Variants in ZC2HC1B observed in about 807,000 individuals in gnomAD.
The protein encoded by ZC2HC1B is zinc finger C2HC-type containing 1B.
In ZC2HC1B, 36 loss-of-function variants were observed where a neutral mutation model predicts 31.0. That is an observed-to-expected ratio of 1.16 (90% CI 0.89 to 1.54). ZC2HC1B has a LOEUF of 1.54. ZC2HC1B is among the 40% of genes most tolerant of loss of function. The pLI is 0.00. For synonymous variants in ZC2HC1B, 73 were observed against 88.0 expected (o/e 0.83, Z 0.95); for missense variants, 260 against 268.6 (o/e 0.97, Z 0.22).
rs1777348401 is a variant in ZC2HC1B at position 143,872,085 on chromosome 6, A to G, written c.28+7518A>G. On this transcript the variant is annotated intron_variant, in intron 1 of 7. Transcript: ENST00000237275. The surrounding 1 kb of genome is among the most constrained non-coding windows in gnomAD (Gnocchi z 5.5). Reference sequence around the variant, plus strand: ...TTTCCTTTTTCCCCAATGCATAGTTACCCTGGTACAAGGCCAGAGGTCTTC... The same window carrying G: ...TTTCCTTTTTCCCCAATGCATAGTTGCCCTGGTACAAGGCCAGAGGTCTTC... Among the ~76,000 whole-genome samples the G allele has an allele frequency of 6.6e-6, 1 of 152,102 alleles. No individual in the cohort carries two copies.
rs1328443024 is a variant in ZC2HC1B at position 143,887,067 on chromosome 6, A to G, written c.349+246A>G. ...ATTACATGACTCCAAGAAACACCAG[A>G]CACCTCTTAGCCGATAGGTATGGAG... On this transcript the variant is annotated intron_variant, in intron 4 of 7. Coordinates refer to ENST00000237275, the MANE Select transcript of ZC2HC1B (RefSeq NM_001013623.3). The surrounding 1 kb of genome is among the most constrained non-coding windows in gnomAD (Gnocchi z 5.1). 6.6e-5 allele frequency among the ~76,000 whole-genome samples: 10 copies of G among 152,196 alleles called. No homozygotes were observed. The highest frequency in any genetic ancestry group is 2.9e-5 in the Non-Finnish European group (2 of 68,042).
intron 1 of ZC2HC1B, among the ~76,000 whole-genome samples, chr6:143,878,690 G>A (rs1777435205): frequency 6.6e-6 from 1 of 151,838 alleles, no homozygotes; most frequent in South Asian, 2.1e-4. Context: ...ATAAAACAAG[G>A]TTTTGTATTG....
chr6:143,926,953 G>GGCGCCCACCACC (rs1554241411), intron 6 of ZC2HC1B, among the ~76,000 whole-genome samples: 2 of 107,190 alleles, frequency 1.9e-5, no homozygotes, highest in Non-Finnish European at 3.8e-5. Context: ...TGGGACTACA[G>GGCGCCCACCACC]GCGCCCGGCT....
At chr6:143,932,913 A>G (rs566500241) in intron 6 of ZC2HC1B, among the ~76,000 whole-genome samples, 79 of 152,164 alleles carry the variant, frequency 5.2e-4, no homozygotes, top group African/African-American at 1.7e-3. Flanking sequence ...TGTTCTTGCT[A>G]TTCTAGGTCT....
chr6:143,884,473 A>C lies in ZC2HC1B; in HGVS notation c.90+108A>C, dbSNP rs1043562589. The C allele has an allele frequency of 3.8e-6, 4 of 1,061,012 alleles. No homozygotes were observed. Among genetic ancestry groups the C allele is most frequent in the Non-Finnish European group, 5.3e-6 (4 of 748,976 alleles). The allele number at this position is 1,061,012 out of a possible 1,614,324, so 65.7% of individuals were successfully genotyped here. On this transcript the variant is annotated intron_variant, in intron 2 of 7. Transcript: ENST00000237275. The surrounding 1 kb of genome is among the most constrained non-coding windows in gnomAD (Gnocchi z 5.1). ...TTAAAGACAGATGTGGAGGGGAAGC[A>C]AGGGAAGAGGAAAAGTACATAACCT...
At chr6:143,928,252 C>T (rs537888615) in intron 6 of ZC2HC1B, among the ~76,000 whole-genome samples, 1 of 152,222 alleles carries the variant, frequency 6.6e-6, no homozygotes, top group East Asian at 1.9e-4. Flanking sequence ...TTAGTTTTCG[C>T]ATCATACATT....
intron 1 of ZC2HC1B, among the ~76,000 whole-genome samples, chr6:143,878,352 C>T (rs1562337608): frequency 1.3e-5 from 2 of 150,482 alleles, no homozygotes; most frequent in Non-Finnish European, 3.0e-5. Flanking sequence ...GTGGTGTGGG[C>T]CTGTGCTCCC....
Position 143,918,642 on chromosome 6 carries a change from G to A in ZC2HC1B, c.598+15490G>A, listed in dbSNP as rs528101290. Among the ~76,000 whole-genome samples the A allele has an allele frequency of 6.6e-6, 1 of 152,174 alleles. No homozygotes were observed. The highest frequency in any genetic ancestry group is 1.5e-5 in the Non-Finnish European group (1 of 68,010). ...AAGTTTTCAGCCATTATTTCTCTCT[G>A]CTCTTTTCTCTCTCTGCTCCTTCAG... On this transcript the variant is annotated intron_variant, in intron 6 of 7. Coordinates refer to ENST00000237275, the MANE Select transcript of ZC2HC1B (RefSeq NM_001013623.3). This position sits in a 1 kb window ranked among gnomAD's most constrained non-coding sequence, Gnocchi z 4.1.
At chr6:143,927,847 T>C (rs1048020186) in intron 6 of ZC2HC1B, among the ~76,000 whole-genome samples, 2 of 152,250 alleles carry the variant, frequency 1.3e-5, no homozygotes, top group Non-Finnish European at 2.9e-5. Flanking sequence ...TGGTATAAGA[T>C]GGCACCTCAT....
At chr6:143,880,371 T>A (rs1214055685) in intron 1 of ZC2HC1B, among the ~76,000 whole-genome samples, 2 of 152,208 alleles carry the variant, frequency 1.3e-5, no homozygotes, top group East Asian at 3.8e-4. Context: ...TTTGTTCTGA[T>A]TTTTAAAATA....
chr6:143,866,710 A>G (rs1025615402), intron 1 of ZC2HC1B, among the ~76,000 whole-genome samples: 1 of 152,200 alleles, frequency 6.6e-6, no homozygotes, highest in Non-Finnish European at 1.5e-5. Flanking sequence ...TTACTTCTTC[A>G]TGTGGGTTGA....
intron 6 of ZC2HC1B, among the ~76,000 whole-genome samples, chr6:143,925,269 G>A (rs1230453957): frequency 7.0e-6 from 1 of 143,402 alleles, no homozygotes; most frequent in Non-Finnish European, 1.5e-5. Flanking sequence ...TCCGCCTCCC[G>A]GGTTCACGCC....
In ZC2HC1B at chr6:143,865,256, G is replaced by A. The variant is rs1459645788; in HGVS notation, c.28+689G>A. Among the ~76,000 whole-genome samples the A allele has an allele frequency of 6.6e-6, 1 of 152,212 alleles. No homozygotes were observed. The highest frequency in any genetic ancestry group is 1.5e-5 in the Non-Finnish European group (1 of 68,042). On this transcript the variant is annotated intron_variant, in intron 1 of 7. Coordinates refer to ENST00000237275, the MANE Select transcript of ZC2HC1B (RefSeq NM_001013623.3). This position sits in a 1 kb window ranked among gnomAD's most constrained non-coding sequence, Gnocchi z 4.4. Reference sequence around the variant, plus strand: ...CATGCTAAATGTTGGGAGCCCAAGAGATCAGAGGGTTTTTGCCTTCAGGAG... The same window carrying A: ...CATGCTAAATGTTGGGAGCCCAAGAAATCAGAGGGTTTTTGCCTTCAGGAG...
intron 6 of ZC2HC1B, among the ~76,000 whole-genome samples, chr6:143,914,412 T>C (rs1777893757): frequency 6.6e-6 from 1 of 152,236 alleles, no homozygotes; most frequent in Non-Finnish European, 1.5e-5. Context: ...TTCTGCTTTA[T>C]CTCACCGTGG....
Position 143,887,431 on chromosome 6 carries a change from G to A in ZC2HC1B, c.349+610G>A, listed in dbSNP as rs1029839298. 1.3e-4 allele frequency among the ~76,000 whole-genome samples: 20 copies of A among 152,014 alleles called. No homozygotes were observed. Among genetic ancestry groups the A allele is most frequent in the African/African-American group, 1.9e-4 (8 of 41,464 alleles). On this transcript the variant is annotated intron_variant, in intron 4 of 7. Coordinates refer to ENST00000237275, the MANE Select transcript of ZC2HC1B (RefSeq NM_001013623.3). The surrounding 1 kb of genome is among the most constrained non-coding windows in gnomAD (Gnocchi z 5.1). ...TAATACTTTAGCTATTTTAGTATGC[G>A]TCTCTTAAGTATGAGTTCCTTTTCC...
At chr6:143,907,321 G>A (rs897262853) in intron 6 of ZC2HC1B, among the ~76,000 whole-genome samples, 4 of 152,178 alleles carry the variant, frequency 2.6e-5, no homozygotes, top group Non-Finnish European at 4.4e-5. Flanking sequence ...TGGGTCAAAT[G>A]GTATTTCTGC....
chr6:143,867,209 A>G (rs1447041508), intron 1 of ZC2HC1B, among the ~76,000 whole-genome samples: 2 of 152,234 alleles, frequency 1.3e-5, no homozygotes, highest in African/African-American at 4.8e-5. Flanking sequence ...CATTTTGGAT[A>G]AGGGATACTT....
chr6:143,903,179 T>G lies in ZC2HC1B; in HGVS notation c.598+27T>G. 10 of 1,530,784 alleles carry G rather than the reference T, an allele frequency of 6.5e-6. No homozygotes were observed. Among genetic ancestry groups the G allele is most frequent in the Non-Finnish European group, 8.0e-6 (9 of 1,127,666 alleles). 94.8% of individuals were successfully genotyped at this position (1,530,784 alleles called of 1,614,324 possible). On this transcript the variant is annotated intron_variant, in intron 6 of 7. Coordinates refer to ENST00000237275, the MANE Select transcript of ZC2HC1B (RefSeq NM_001013623.3). This position sits in a 1 kb window ranked among gnomAD's most constrained non-coding sequence, Gnocchi z 4.3. ...TGAGTCAAAGCACGCATTTCATCTC[T>G]CAAATGATGGGGGTCAGAGGAGATC... is the stretch of plus-strand genomic sequence containing the variant.
At chr6:143,926,553 T>C (rs1430116654) in intron 6 of ZC2HC1B, among the ~76,000 whole-genome samples, 3 of 152,154 alleles carry the variant, frequency 2.0e-5, no homozygotes, top group Non-Finnish European at 4.4e-5. Context: ...CTAGAGAATG[T>C]TCCATGTGTT....
Sources: gnomAD v4.1 joint callset for allele counts (sites outside exome capture counted in the v4.1 genomes callset) on GRCh38, gnomAD v4.1.1 for gene constraint, Gnocchi (gnomAD v3.1) non-coding constraint, MANE v1.5 for transcripts, NCBI Gene and HGNC (gene_info 2026-07-23, HGNC 2026-07-21) for gene names.